Variants in SEC23B observed in about 807,000 individuals in gnomAD.
The protein encoded by SEC23B is protein transport protein Sec23B.
SEC23B carries 77 observed loss-of-function variants against 104.3 expected under a neutral mutation model. That is an observed-to-expected ratio of 0.74 (90% CI 0.61 to 0.89). The LOEUF is 0.89. SEC23B is among the 40% of genes least tolerant of loss of function. The pLI is 0.00. For missense variants in SEC23B, 885 were observed against 949.4 expected (o/e 0.93, Z 0.89); for synonymous variants, 338 against 332.5 (o/e 1.02, Z -0.18).
chr20:18,557,428 C>T lies in SEC23B; in HGVS notation c.2214+2255C>T, dbSNP rs993705970. 2.6e-5 allele frequency among the ~76,000 whole-genome samples: 4 copies of T among 152,266 alleles called. No individual in the cohort carries two copies. In the East Asian group the frequency reaches 7.7e-4, roughly 29 times the overall value. ...GTGCTGGGATTATAGGCATGAGCCACCACACCTGGCCAGGCCCTAGGTATT... is the reference window on the plus strand; with the variant it reads ...GTGCTGGGATTATAGGCATGAGCCATCACACCTGGCCAGGCCCTAGGTATT... On this transcript the variant is annotated intron_variant, in intron 19 of 19. Coordinates refer to ENST00000650089, the MANE Select transcript of SEC23B (RefSeq NM_006363.6).
Position 18,560,666 on chromosome 20 carries a change from A to G in SEC23B, c.2230A>G (p.Ile744Val), listed in dbSNP as rs1419148935. 2 of 1,613,970 alleles carry G rather than the reference A, an allele frequency of 1.2e-6. No homozygotes were observed. Among genetic ancestry groups the G allele is most frequent in the African/African-American group, 2.7e-5 (2 of 75,064 alleles). Reference sequence around the variant, plus strand: ...TACATTTCAGGAAACTGGAGCACCCATCCTAACTGATGATGTTAGCCTGCA... The same window carrying G: ...TACATTTCAGGAAACTGGAGCACCCGTCCTAACTGATGATGTTAGCCTGCA... ...YAWGQETGAP[I>V]LTDDVSLQVF... is the part of the protein sequence containing the mutation. Residue 744 changes from isoleucine (I) to valine (V), a missense_variant, in exon 20 of 20, where the codon ATC becomes GTC. Ile to Val is a conservative substitution (Grantham distance 29, BLOSUM62 3). Transcript: ENST00000650089.
chr20:18,523,063 T>C (rs1229677745), intron 4 of SEC23B, among the ~76,000 whole-genome samples: 4 of 98,050 alleles, frequency 4.1e-5, no homozygotes, highest in East Asian at 5.0e-4. Context: ...CGAGACTCCG[T>C]CTCAAAAAAA....
intron 12 of SEC23B, among the ~76,000 whole-genome samples, chr20:18,535,970 T>A (rs951387059): frequency 2.0e-5 from 3 of 152,210 alleles, no homozygotes; most frequent in African/African-American, 7.2e-5. Context: ...ATAAGGTCAT[T>A]AGAAGTGTAA....
intron 2 of SEC23B, among the ~76,000 whole-genome samples, chr20:18,511,795 G>A (rs17734471): frequency 6.6e-6 from 1 of 152,134 alleles, no homozygotes. Context: ...GCTAAGTCAG[G>A]TTAAAAATCT....
chr20:18,518,227 CA>C, intron 4 of SEC23B, among the ~76,000 whole-genome samples: 1 of 152,306 alleles, frequency 6.6e-6, no homozygotes, highest in South Asian at 2.1e-4. Flanking sequence ...AAAATGACTG[CA>C]GTGGCCTTCT....
intron 12 of SEC23B, among the ~76,000 whole-genome samples, chr20:18,539,049 C>CA (rs367686822): frequency 0.62 from 84,935 of 136,644 alleles, 27,450 homozygotes; most frequent in Non-Finnish European, 0.75. Flanking sequence ...ACTAAAAATA[C>CA]AAAAAAAAAA....
At position 18,510,536 on chromosome 20, in the gene SEC23B, G is replaced by A. The variant is rs143882360; in HGVS notation, c.-14-286G>A. On this transcript the variant is annotated intron_variant, in intron 1 of 19. Coordinates refer to ENST00000650089, the MANE Select transcript of SEC23B (RefSeq NM_006363.6). ...TCCCAGCACTTTGGAAGGCCAAGGCGGGTGGATCACCTGAGGTCAGGAGTT... is the reference window on the plus strand; with the variant it reads ...TCCCAGCACTTTGGAAGGCCAAGGCAGGTGGATCACCTGAGGTCAGGAGTT... 3.3e-4 allele frequency among the ~76,000 whole-genome samples: 50 copies of A among 152,276 alleles called. No individual in the cohort carries two copies. The East Asian group carries it at 9.7e-3, about 29-fold the overall frequency.
intron 4 of SEC23B, among the ~76,000 whole-genome samples, chr20:18,519,244 G>A (rs1361764918): frequency 1.3e-5 from 2 of 151,836 alleles, no homozygotes; most frequent in Admixed American, 6.6e-5. Context: ...GTCAGGTGTG[G>A]TATCAGGAAT....
At chr20:18,522,386 G>A (rs527461345) in intron 4 of SEC23B, among the ~76,000 whole-genome samples, 29 of 152,322 alleles carry the variant, frequency 1.9e-4, no homozygotes, top group South Asian at 4.1e-4. Flanking sequence ...TTGGGTCCAC[G>A]GATAAAAGGT....
intron 16 of SEC23B, among the ~76,000 whole-genome samples, chr20:18,550,558 T>C (rs1423434353): frequency 2.0e-5 from 3 of 152,242 alleles, no homozygotes; most frequent in African/African-American, 4.8e-5. Context: ...TCTGTAGAGA[T>C]TGCTAAAATA....
chr20:18,508,797 G>A (rs934288060), intron 1 of SEC23B, among the ~76,000 whole-genome samples: 10 of 136,474 alleles, frequency 7.3e-5, no homozygotes, highest in South Asian at 2.4e-4. Flanking sequence ...TCGGCTCACT[G>A]CAACCAATGC....
intron 12 of SEC23B, among the ~76,000 whole-genome samples, chr20:18,538,019 C>T (rs2060252240): frequency 1.3e-5 from 2 of 152,130 alleles, no homozygotes; most frequent in Admixed American, 1.3e-4. Context: ...TCTTGGCTCA[C>T]TGCAACCTCC....
chr20:18,524,513 G>T lies in SEC23B; in HGVS notation c.447G>T (p.Glu149Asp), dbSNP rs2060116262. The change falls in exon 5 of 20, where the codon GAG (glutamate) becomes GAT (aspartate). Residue 149 changes from glutamate to aspartate, a missense_variant. By Grantham distance (45) the Glu-to-Asp change is conservative. Transcript: ENST00000650089. Reference protein sequence around the residue: ...LEEDDLQALKESLQMSLSLLP... With the variant: ...LEEDDLQALKDSLQMSLSLLP... ...AAGATGACCTTCAAGCACTCAAAGA[G>T]TCCCTGCAGATGTCCCTGAGTCTTC... is the stretch of plus-strand genomic sequence containing the variant. 1.2e-6 allele frequency: 2 copies of T among 1,614,062 alleles called. No homozygotes were observed. The highest frequency in any genetic ancestry group is 1.1e-5 in the South Asian group (1 of 91,082).
chr20:18,544,063 G>A (rs543068805), intron 14 of SEC23B, among the ~76,000 whole-genome samples: 14 of 152,286 alleles, frequency 9.2e-5, no homozygotes, highest in South Asian at 4.1e-4. Context: ...GCTTGATATC[G>A]TGCCAGCTGG....
Position 18,559,079 on chromosome 20 carries a change from G to GC in SEC23B, c.2215-1572_2215-1571insC, listed in dbSNP as rs1568628345. Reference sequence around the variant, plus strand: ...ACTACTCTGACAGGGAAGGTGGTTGGTGGGGGGGGTGTCGGGGGCACTGGT... The same window carrying GC: ...ACTACTCTGACAGGGAAGGTGGTTGGCTGGGGGGGGTGTCGGGGGCACTGGT... On this transcript the variant is annotated intron_variant, in intron 19 of 19. Coordinates refer to ENST00000650089, the MANE Select transcript of SEC23B (RefSeq NM_006363.6). Among the ~76,000 whole-genome samples, 22 of 139,636 alleles carry GC rather than the reference G, an allele frequency of 1.6e-4. No homozygotes were observed. In the East Asian group the frequency reaches 1.7e-3, roughly 11 times the overall value. The allele number at this position is 139,636 out of a possible 152,430, so 91.6% of individuals were successfully genotyped here. A position where few individuals can be genotyped will look rare whatever the true frequency, so the allele number is the denominator to read the frequency against.
intron 1 of SEC23B, 97 bp from the exon 2 acceptor site, chr20:18,510,725 A>G: frequency 3.0e-6 from 3 of 985,304 alleles, no homozygotes; most frequent in Non-Finnish European, 4.8e-6. Context: ...GAGATGGGAA[A>G]AAAAGAGAAA....
chr20:18,527,003 G>A (rs1317924097), intron 8 of SEC23B, among the ~76,000 whole-genome samples: 4 of 152,232 alleles, frequency 2.6e-5, no homozygotes, highest in Non-Finnish European at 4.4e-5. Flanking sequence ...ATCACTTGAG[G>A]TCAGGAGTTC....
chr20:18,527,502 G>A lies in SEC23B; in HGVS notation c.1000G>A (p.Glu334Lys). The A allele has an allele frequency of 1.3e-6, 2 of 1,595,810 alleles. No individual in the cohort carries two copies. The highest frequency in any genetic ancestry group is 1.7e-6 in the Non-Finnish European group (2 of 1,163,176). Reference protein sequence around the residue: ...RFMKKATKHYEMLANRTAANG... With the variant: ...RFMKKATKHYKMLANRTAANG... ...AGCTTTCCTCTCTTCACAGCACTAT[G>A]AGATGCTTGCTAATCGAACAGCTGC... Residue 334 changes from glutamate (E) to lysine (K), a missense_variant, in exon 9 of 20, where the codon GAG (glutamate) becomes AAG (lysine). Physicochemically the swap from Glu to Lys is moderately conservative, Grantham distance 56 (BLOSUM62 1). Transcript: ENST00000650089.
chr20:18,534,298 T>G (rs764226105), intron 11 of SEC23B, among the ~76,000 whole-genome samples: 5 of 152,312 alleles, frequency 3.3e-5, no homozygotes, highest in Non-Finnish European at 5.9e-5. Context: ...TTTCCTAATA[T>G]CTAGTTCATA....
Sources: allele counts gnomAD v4.1 joint callset (sites outside exome capture counted in the v4.1 genomes callset), GRCh38; gene constraint gnomAD v4.1.1; transcripts MANE v1.5; gene names NCBI Gene and HGNC (gene_info 2026-07-23, HGNC 2026-07-21).